The following RIMS1 variants were observed in gnomAD, a reference collection of about 807,000 sequenced individuals.
RIMS1 encodes the protein regulating synaptic membrane exocytosis 1.
RIMS1 carries 83 observed loss-of-function variants against 214.1 expected under a neutral mutation model. The observed-to-expected ratio is 0.39, with a 90% confidence interval of 0.32 to 0.47. The LOEUF (loss-of-function observed/expected upper bound fraction) is 0.47, where lower values mean the gene tolerates loss of function less well. Ranked by LOEUF, RIMS1 falls within the 20% of genes least tolerant of loss-of-function variation. The pLI, the probability that RIMS1 is intolerant of heterozygous loss-of-function variation, is 0.99. For missense variants in RIMS1, 2,050 were observed against 2,161.8 expected (o/e 0.95, Z 1.03); for synonymous variants, 793 against 786.8 (o/e 1.01, Z -0.13).
rs371647781 is a variant in RIMS1 at position 72,188,059 on chromosome 6, T to C, written c.1678+4910T>C. 2.5e-3 allele frequency among the ~76,000 whole-genome samples: 377 copies of C among 152,330 alleles called. 1 individual carries two copies. Among genetic ancestry groups the C allele is most frequent in the Middle Eastern group, 0.02 (6 of 294 alleles). Reference sequence around the variant, plus strand: ...GAAAGACTAAGCCAGTCTAGCCTTTTCATGTTCTTCTGCCTGCTTTTATTC... The same window carrying C: ...GAAAGACTAAGCCAGTCTAGCCTTTCCATGTTCTTCTGCCTGCTTTTATTC... On this transcript the variant is annotated intron_variant, in intron 6 of 33. Transcript: ENST00000521978.
intron 29 of RIMS1, among the ~76,000 whole-genome samples, chr6:72,365,166 TTA>T (rs2097951320): frequency 6.6e-6 from 1 of 152,228 alleles, no homozygotes; most frequent in Non-Finnish European, 1.5e-5. Flanking sequence ...TTCTATGAGG[TTA>T]TTTCATTTCT....
chr6:71,917,177 G>A (rs1778673123), intron 1 of RIMS1, among the ~76,000 whole-genome samples: 1 of 152,112 alleles, frequency 6.6e-6, no homozygotes, highest in Admixed American at 6.6e-5. Context: ...CACATAAGGA[G>A]CTTAAAACAG....
chr6:71,985,393 T>C (rs998900201), intron 2 of RIMS1, among the ~76,000 whole-genome samples: 1 of 151,872 alleles, frequency 6.6e-6, no homozygotes, highest in Non-Finnish European at 1.5e-5. Flanking sequence ...CTGTCTAAAA[T>C]AAAATAAAAT....
intron 23 of RIMS1, among the ~76,000 whole-genome samples, chr6:72,279,239 C>G (rs2088645105): frequency 6.6e-6 from 1 of 151,912 alleles, no homozygotes; most frequent in Non-Finnish European, 1.5e-5. Flanking sequence ...TGTTTTTCAT[C>G]AGTTCATTTT....
At chr6:71,890,800 A>T (rs180894838) in intron 1 of RIMS1, among the ~76,000 whole-genome samples, 2 of 152,276 alleles carry the variant, frequency 1.3e-5, no homozygotes, top group Non-Finnish European at 2.9e-5. Context: ...CAAGTTTATT[A>T]TAAGTATAAA....
chr6:72,379,318 C>A (rs2098445889), intron 29 of RIMS1, among the ~76,000 whole-genome samples: 1 of 152,188 alleles, frequency 6.6e-6, no homozygotes, highest in African/African-American at 2.4e-5. Flanking sequence ...TATCCTAGAC[C>A]CAAAGTAGCT....
chr6:71,945,440 A>C (rs559483071), intron 1 of RIMS1, among the ~76,000 whole-genome samples: 6 of 152,262 alleles, frequency 3.9e-5, no homozygotes, highest in African/African-American at 1.4e-4. Flanking sequence ...GGCAAGACCA[A>C]TCCAGAGCTA....
At chr6:72,111,310 C>G (rs1229249934) in intron 4 of RIMS1, among the ~76,000 whole-genome samples, 1 of 152,082 alleles carries the variant, frequency 6.6e-6, no homozygotes, top group Non-Finnish European at 1.5e-5. Flanking sequence ...ATCTTCACCA[C>G]CTTCCGTTAG....
chr6:72,135,839 C>T (rs1057159089), intron 4 of RIMS1, among the ~76,000 whole-genome samples: 2 of 152,100 alleles, frequency 1.3e-5, no homozygotes, highest in Non-Finnish European at 2.9e-5. Flanking sequence ...AGTCAAGGTA[C>T]CTACCCATTT....
At chr6:72,163,867 G>A (rs538288571) in intron 4 of RIMS1, among the ~76,000 whole-genome samples, 16 of 152,102 alleles carry the variant, frequency 1.1e-4, no homozygotes, top group Middle Eastern at 6.8e-3. Context: ...CAGTCTGTCC[G>A]TTCTCAGATC....
chr6:72,365,160 A>T (rs1292298079), intron 29 of RIMS1, among the ~76,000 whole-genome samples: 2 of 152,264 alleles, frequency 1.3e-5, no homozygotes, highest in African/African-American at 4.8e-5. Context: ...CACAAGTTCT[A>T]TGAGGTTATT....
At chr6:71,994,044 T>C (rs1283111183) in intron 2 of RIMS1, among the ~76,000 whole-genome samples, 1 of 152,228 alleles carries the variant, frequency 6.6e-6, no homozygotes, top group Non-Finnish European at 1.5e-5. Flanking sequence ...AAGAGCATTG[T>C]ACTCTTAAGT....
intron 1 of RIMS1, among the ~76,000 whole-genome samples, chr6:71,894,267 A>C (rs1041926300): frequency 2.0e-5 from 3 of 152,280 alleles, no homozygotes; most frequent in Non-Finnish European, 2.9e-5. Flanking sequence ...CAACATGGTA[A>C]AACCCCGTCT....
intron 26 of RIMS1, chr6:72,295,995 T>G (rs1409099110): frequency 3.0e-6 from 1 of 330,094 alleles, no homozygotes; most frequent in Non-Finnish European, 4.4e-6. Context: ...TTTTAACCAT[T>G]TAATATTGTT....
At chr6:72,095,247 G>A (rs1017400757) in intron 2 of RIMS1, among the ~76,000 whole-genome samples, 1 of 151,578 alleles carries the variant, frequency 6.6e-6, no homozygotes, top group African/African-American at 2.4e-5. Flanking sequence ...ACAGGCGTGA[G>A]CCACCGCGCC....
At chr6:71,892,377 T>A (rs1770176715) in intron 1 of RIMS1, among the ~76,000 whole-genome samples, 1 of 152,226 alleles carries the variant, frequency 6.6e-6, no homozygotes. Flanking sequence ...AGAACTAGCT[T>A]GGCATCTTCC....
intron 27 of RIMS1, among the ~76,000 whole-genome samples, chr6:72,311,350 A>G (rs192479095): frequency 1.2e-3 from 188 of 152,360 alleles, no homozygotes; most frequent in Non-Finnish European, 2.0e-3. Context: ...TTTTTAGCAC[A>G]TATACTCTGT....
intron 29 of RIMS1, among the ~76,000 whole-genome samples, chr6:72,376,512 G>C (rs2098384236): frequency 6.6e-6 from 1 of 152,140 alleles, no homozygotes; most frequent in South Asian, 2.1e-4. Context: ...CCAGCACTGG[G>C]GGAGGCCGAG....
intron 1 of RIMS1, among the ~76,000 whole-genome samples, chr6:71,947,343 T>C (rs935022497): frequency 1.3e-5 from 2 of 152,250 alleles, no homozygotes; most frequent in African/African-American, 4.8e-5. Flanking sequence ...AAAAGTGGTA[T>C]ATATACATAA....
Sources: allele counts gnomAD v4.1 joint callset (sites outside exome capture counted in the v4.1 genomes callset), GRCh38; gene constraint gnomAD v4.1.1; transcripts MANE v1.5; gene names NCBI Gene and HGNC (gene_info 2026-07-23, HGNC 2026-07-21).